The following TRMT11 variants were observed in gnomAD, a reference collection of about 807,000 sequenced individuals.
TRMT11 encodes tRNA (guanine(10)-N(2))-methyltransferase TRMT11.
A neutral mutation model predicts 62.8 loss-of-function variants in TRMT11; 53 were observed. The ratio of observed to expected loss-of-function variants is 0.84; its 90% confidence interval spans 0.68 to 1.06. TRMT11 has a LOEUF of 1.06. Among genes scored for constraint, TRMT11 ranks in the 50% least tolerant of loss-of-function variants. The pLI is 0.00. For missense variants in TRMT11, 556 were observed against 553.4 expected (o/e 1.00, Z -0.05); for synonymous variants, 188 against 190.3 (o/e 0.99, Z 0.10).
chr6:126,104,641 C>T (rs1224713836), intron 17 of TRMT11, among the ~76,000 whole-genome samples: 2 of 152,182 alleles, frequency 1.3e-5, no homozygotes, highest in Non-Finnish European at 2.9e-5. Flanking sequence ...AGAATTATTG[C>T]ATGACATTTA....
intron 3 of TRMT11, 78 bp downstream of exon 3, chr6:125,996,118 G>C (rs1460884596): frequency 2.9e-6 from 3 of 1,033,444 alleles, no homozygotes; most frequent in Non-Finnish European, 4.5e-6. Flanking sequence ...TTGCTATATT[G>C]GGCAGTGTGA....
chr6:126,176,356 G>GA, upstream of TRMT11, among the ~76,000 whole-genome samples: 1 of 151,808 alleles, frequency 6.6e-6, no homozygotes, highest in East Asian at 1.9e-4. Flanking sequence ...ATTTATTAAA[G>GA]AAAAAAAGGT....
chr6:126,170,308 A>G (rs1470746335), intron 21 of TRMT11, among the ~76,000 whole-genome samples: 2 of 152,116 alleles, frequency 1.3e-5, no homozygotes, highest in African/African-American at 4.8e-5. Context: ...TACTTTTTTA[A>G]TTGTAACCCT....
At chr6:126,133,146 T>A (rs1349550064) in intron 21 of TRMT11, among the ~76,000 whole-genome samples, 1 of 151,998 alleles carries the variant, frequency 6.6e-6, no homozygotes, top group African/African-American at 2.4e-5. Context: ...AAATTGAGAA[T>A]GTACAAGGTT....
At chr6:126,110,848 G>A (rs1317564507) in intron 17 of TRMT11, among the ~76,000 whole-genome samples, 3 of 152,042 alleles carry the variant, frequency 2.0e-5, no homozygotes, top group African/African-American at 7.2e-5. Flanking sequence ...TAGTCCCCTG[G>A]ACAGACCCTG....
At chr6:126,154,447 C>T (rs919162249) in intron 21 of TRMT11, among the ~76,000 whole-genome samples, 2 of 151,928 alleles carry the variant, frequency 1.3e-5, no homozygotes, top group East Asian at 1.9e-4. Context: ...TTTACTGTAG[C>T]ACGTAGAAAT....
Position 126,071,292 on chromosome 6 carries a change from G to A in TRMT11, c.*1437+18102G>A, listed in dbSNP as rs559665768. ...TAGCTGTAAAAATCATGAAAAAGTC[G>A]ACATCGTGTTTTAATCATAAACCAC... is the stretch of plus-strand genomic sequence containing the variant. On this transcript the variant is annotated intron_variant and NMD_transcript_variant, in intron 17 of 22. Coordinates refer to the TRMT11 transcript ENST00000648977. 1.2e-4 allele frequency among the ~76,000 whole-genome samples: 18 copies of A among 152,086 alleles called. No individual in the cohort carries two copies. In the South Asian group the frequency reaches 3.1e-3, roughly 26 times the overall value.
chr6:126,205,898 TACACACACAC>T (rs59880424), downstream of TRMT11, among the ~76,000 whole-genome samples: 2,350 of 143,046 alleles, frequency 0.016, 50 homozygotes, highest in African/African-American at 0.055. Flanking sequence ...TGTGAGAGGG[TACACACACAC>T]ACACACACAC....
chr6:126,252,502 G>A, the TRMT11 span, among the ~76,000 whole-genome samples: 2 of 152,068 alleles, frequency 1.3e-5, no homozygotes, highest in Admixed American at 1.3e-4. Flanking sequence ...ATACTTTATT[G>A]GTTAAAGCAG....
At chr6:126,254,140 C>A in the TRMT11 span, among the ~76,000 whole-genome samples, 1,006 of 152,312 alleles carry the variant, frequency 6.6e-3, 6 homozygotes, top group Middle Eastern at 0.017. Flanking sequence ...TAGCATCCTT[C>A]AGCATCATCT....
At chr6:126,248,563 C>T in the TRMT11 span, among the ~76,000 whole-genome samples, 1 of 152,036 alleles carries the variant, frequency 6.6e-6, no homozygotes. Context: ...AATTCCACCC[C>T]CGTTCTCCAT....
At chr6:126,093,502 T>C (rs1370275839) in intron 17 of TRMT11, among the ~76,000 whole-genome samples, 1 of 146,954 alleles carries the variant, frequency 6.8e-6, no homozygotes, top group Non-Finnish European at 1.5e-5. Flanking sequence ...ATTATAATAG[T>C]GTTTGAGAAA....
chr6:126,192,632 T>G (rs945252696), intron 1 of TRMT11, among the ~76,000 whole-genome samples: 1 of 152,166 alleles, frequency 6.6e-6, no homozygotes. Context: ...ATCCAATTTG[T>G]CAAAAGTTTT....
chr6:126,139,182 A>T (rs923198204), intron 21 of TRMT11, among the ~76,000 whole-genome samples: 2 of 151,946 alleles, frequency 1.3e-5, no homozygotes, highest in African/African-American at 4.8e-5. Context: ...GCATATTTTA[A>T]ATTTTATTAA....
In TRMT11 at chr6:126,011,379, G is replaced by A. The variant is rs1032684573; in HGVS notation, c.887G>A (p.Trp296Ter). ...VLVSDASKPS[W>*]RKGTYFDAII... Reference sequence around the variant, plus strand: ...GTTTCAGATGCATCTAAACCTTCCTGGAGGAAGGGCACATATTTTGATGCA... The same window carrying A: ...GTTTCAGATGCATCTAAACCTTCCTAGAGGAAGGGCACATATTTTGATGCA... The change falls in exon 9 of 13, where the codon TGG (tryptophan) becomes TAG (stop). Residue 296 changes from tryptophan to a stop codon, truncating the protein, a stop_gained. Transcript: ENST00000334379. LOFTEE classifies it high-confidence loss of function. 6.2e-7 allele frequency: 1 copy of A among 1,612,598 alleles called. No individual in the cohort carries two copies. The highest frequency in any genetic ancestry group is 8.5e-7 in the Non-Finnish European group (1 of 1,178,978).
intron 17 of TRMT11, among the ~76,000 whole-genome samples, chr6:126,074,053 C>T (rs1327285047): frequency 1.3e-5 from 2 of 152,176 alleles, no homozygotes; most frequent in African/African-American, 2.4e-5. Flanking sequence ...CAGGTCCCTC[C>T]CATGACACGT....
At chr6:126,006,150 T>C (rs1181724784) in intron 7 of TRMT11, among the ~76,000 whole-genome samples, 2 of 152,064 alleles carry the variant, frequency 1.3e-5, no homozygotes, top group Non-Finnish European at 2.9e-5. Flanking sequence ...GTAGTCCCCT[T>C]TTCCTGGAAT....
At chr6:125,988,960 C>T (rs1790132088) in intron 1 of TRMT11, among the ~76,000 whole-genome samples, 1 of 152,056 alleles carries the variant, frequency 6.6e-6, no homozygotes, top group African/African-American at 2.4e-5. Context: ...TGGAAAGCCC[C>T]CTTCTGTGAG....
rs753763475 is a variant in TRMT11 at position 126,078,710 on chromosome 6, G to A, written c.*1437+25520G>A. Among the ~76,000 whole-genome samples the A allele has an allele frequency of 5.0e-4, 76 of 152,088 alleles. 1 individual carries two copies. The highest frequency in any genetic ancestry group is 9.1e-4 in the Non-Finnish European group (62 of 68,008). On this transcript the variant is annotated intron_variant and NMD_transcript_variant, in intron 17 of 22. Transcript: ENST00000648977. ...GTATAAAACTTCCGTCAACTTGAGC[G>A]ACCACAGCTGCTTCAGAAAAGTCAT... is the stretch of plus-strand genomic sequence containing the variant.
Sources: gnomAD v4.1 joint callset for allele counts (sites outside exome capture counted in the v4.1 genomes callset) on GRCh38, gnomAD v4.1.1 for gene constraint, MANE v1.5 for transcripts, NCBI Gene and HGNC (gene_info 2026-07-23, HGNC 2026-07-21) for gene names.